Variants in UGT2B7 observed in about 807,000 individuals in gnomAD.
The protein encoded by UGT2B7 is UDP-glucuronosyltransferase 2B7.
UGT2B7 carries 51 observed loss-of-function variants against 51.9 expected under a neutral mutation model. That is an observed-to-expected ratio of 0.98 (90% CI 0.78 to 1.24). The LOEUF is 1.24. Among genes scored for constraint, UGT2B7 ranks in the 50% most tolerant of loss-of-function variants. The pLI is 0.00. For synonymous variants in UGT2B7, 225 were observed against 211.6 expected, an observed-to-expected ratio of 1.06 and a Z score of -0.55; for missense variants, 727 against 628.4, an observed-to-expected ratio of 1.16 and a Z score of -1.68.
chr4:69,090,768 C>A (rs1719068373), intron 2 of UGT2B7, among the ~76,000 whole-genome samples: 1 of 152,100 alleles, frequency 6.6e-6, no homozygotes, highest in Admixed American at 6.6e-5. Flanking sequence ...TTTTAATAGT[C>A]TTTCTAATTT....
At position 69,068,743 on chromosome 4, in the gene UGT2B7, G is replaced by A. The variant is rs542635213; in HGVS notation, c.-159+17141G>A. Among the ~76,000 whole-genome samples the A allele has an allele frequency of 3.6e-3, 547 of 151,906 alleles. 2 individuals are homozygous for A. Among genetic ancestry groups the A allele is most frequent in the African/African-American group, 0.013 (523 of 41,478 alleles). On this transcript the variant is annotated intron_variant, in intron 1 of 5. Coordinates refer to the UGT2B7 transcript ENST00000502942. Reference sequence around the variant, plus strand: ...GTTTTTTTAAATAACAAGGGGAGAAGTTACCTCCATTGCTATTGCTACAGT... The same window carrying A: ...GTTTTTTTAAATAACAAGGGGAGAAATTACCTCCATTGCTATTGCTACAGT...
At chr4:69,084,376 C>A (rs1718903512) in intron 1 of UGT2B7, among the ~76,000 whole-genome samples, 1 of 140,594 alleles carries the variant, frequency 7.1e-6, no homozygotes, top group African/African-American at 2.6e-5. Context: ...TCAAGGTAAT[C>A]ATACTCTTGA....
intron 3 of UGT2B7, among the ~76,000 whole-genome samples, chr4:69,105,202 G>T (rs1719557697): frequency 6.6e-6 from 1 of 151,944 alleles, no homozygotes; most frequent in Non-Finnish European, 1.5e-5. Flanking sequence ...AAATATAGAA[G>T]GGAGTCAAAC....
At chr4:69,094,605 G>T (rs1719169788), upstream of UGT2B7, among the ~76,000 whole-genome samples, 1 of 152,166 alleles carries the variant, frequency 6.6e-6, no homozygotes, top group South Asian at 2.1e-4. Context: ...TGCAACTTTT[G>T]TTGATGAAGA....
chr4:69,060,240 GA>G (rs2109862173), intron 1 of UGT2B7, among the ~76,000 whole-genome samples: 1 of 152,344 alleles, frequency 6.6e-6, no homozygotes, highest in South Asian at 2.1e-4. Context: ...AATCTGCTCT[GA>G]AAGTGACCAG....
At chr4:69,058,761 G>T (rs1718274514) in intron 1 of UGT2B7, among the ~76,000 whole-genome samples, 1 of 152,162 alleles carries the variant, frequency 6.6e-6, no homozygotes, top group Admixed American at 6.5e-5. Context: ...CGGAGATCAG[G>T]AGGCAAAGAC....
upstream of UGT2B7, among the ~76,000 whole-genome samples, chr4:69,093,300 C>T (rs148713218): frequency 9.1e-4 from 138 of 152,288 alleles, no homozygotes; most frequent in African/African-American, 3.2e-3. Flanking sequence ...TTGGATGCTC[C>T]AAAGCTCAAA....
chr4:69,075,064 T>G (rs1212764000), intron 1 of UGT2B7, among the ~76,000 whole-genome samples: 4 of 152,164 alleles, frequency 2.6e-5, no homozygotes, highest in Non-Finnish European at 5.9e-5. Flanking sequence ...TCAGTAGTTG[T>G]AAAAATATAA....
chr4:69,072,553 A>G (rs1474145725), intron 1 of UGT2B7, among the ~76,000 whole-genome samples: 1 of 152,228 alleles, frequency 6.6e-6, no homozygotes, highest in Admixed American at 6.6e-5. Flanking sequence ...TATGCTAATT[A>G]AAAGTTTCCT....
upstream of UGT2B7, among the ~76,000 whole-genome samples, chr4:69,091,696 GT>G (rs1719089142): frequency 1.3e-5 from 2 of 152,158 alleles, no homozygotes; most frequent in Admixed American, 1.3e-4. Context: ...CAGCTCTGCT[GT>G]GCTGGTTGTG....
At position 69,081,744 on chromosome 4, in the gene UGT2B7, C is replaced by T. The variant is rs79029043; in HGVS notation, c.-158-7728C>T. ...TCACACCAGCTTTTTCTGATTGCTCCATAGATGGATAATGGTTTTCTCTGG... is the reference window on the plus strand; with the variant it reads ...TCACACCAGCTTTTTCTGATTGCTCTATAGATGGATAATGGTTTTCTCTGG... On this transcript the variant is annotated intron_variant, in intron 1 of 5. Transcript: ENST00000502942. 1.5e-3 allele frequency among the ~76,000 whole-genome samples: 223 copies of T among 152,140 alleles called. 3 individuals are homozygous for T. In the East Asian group the frequency reaches 0.04, roughly 27 times the overall value.
chr4:69,097,392 T>C (rs1243735397), intron 1 of UGT2B7, 151 bp downstream of exon 1: 2 of 1,009,568 alleles, frequency 2.0e-6, no homozygotes, highest in African/African-American at 1.6e-5. Context: ...ATCTCACAAA[T>C]ATTATAGAAA....
At chr4:69,109,198 T>C (rs1719700792) in intron 5 of UGT2B7, among the ~76,000 whole-genome samples, 1 of 152,180 alleles carries the variant, frequency 6.6e-6, no homozygotes, top group African/African-American at 2.4e-5. Flanking sequence ...TTGTGGCTAT[T>C]AGGAAGATTG....
At chr4:69,067,275 C>T (rs1718500574) in intron 1 of UGT2B7, 1 of 152,214 alleles carries the variant, frequency 6.6e-6, no homozygotes, top group African/African-American at 2.4e-5. Context: ...AATTTTAATG[C>T]AGTTTTACTG....
At chr4:69,112,362 A>G in intron 5 of UGT2B7, 95 bp from the exon 6 acceptor site, 3 of 1,483,382 alleles carry the variant, frequency 2.0e-6, no homozygotes, top group Non-Finnish European at 2.7e-6. Flanking sequence ...CGATGCTCCC[A>G]GCCGAATAAA....
upstream of UGT2B7, chr4:69,096,473 T>C: frequency 6.2e-7 from 1 of 1,608,348 alleles, no homozygotes; most frequent in Non-Finnish European, 8.5e-7. Context: ...CCATGAGAAA[T>C]GACAGAAAGG....
At chr4:69,060,480 C>T (rs973742434) in intron 1 of UGT2B7, among the ~76,000 whole-genome samples, 7 of 152,294 alleles carry the variant, frequency 4.6e-5, no homozygotes, top group Middle Eastern at 3.4e-3. Flanking sequence ...AGGAGAAGGC[C>T]TTTAAGGAAA....
chr4:69,099,629 G>A (rs1719362878), intron 2 of UGT2B7, among the ~76,000 whole-genome samples: 1 of 151,828 alleles, frequency 6.6e-6, no homozygotes, highest in Non-Finnish European at 1.5e-5. Context: ...CAAAAATAGT[G>A]GCAACTTCAT....
chr4:69,082,223 T>G (rs1190505745), intron 1 of UGT2B7, among the ~76,000 whole-genome samples: 1 of 151,992 alleles, frequency 6.6e-6, no homozygotes, highest in African/African-American at 2.4e-5. Flanking sequence ...CACAACAACA[T>G]TGAAATTAAG....
Sources: allele counts gnomAD v4.1 joint callset (sites outside exome capture counted in the v4.1 genomes callset), GRCh38; gene constraint gnomAD v4.1.1; transcripts MANE v1.5; gene names NCBI Gene and HGNC (gene_info 2026-07-23, HGNC 2026-07-21).